The following DAB1 variants were observed in gnomAD, a reference collection of about 807,000 sequenced individuals.
The protein encoded by DAB1 is DAB adaptor protein 1.
A neutral mutation model predicts 64.6 loss-of-function variants in DAB1; 15 were observed. The observed-to-expected ratio is 0.23, with a 90% CI of 0.16 to 0.36. DAB1 has a LOEUF of 0.36. DAB1 is among the 10% of genes least tolerant of loss of function. DAB1 has a pLI of 1.00. For synonymous variants in DAB1, 235 were observed against 251.9 expected, an observed-to-expected ratio of 0.93 and a Z score of 0.64; for missense variants, 596 against 706.7, an observed-to-expected ratio of 0.84 and a Z score of 1.78.
intron 6 of DAB1, among the ~76,000 whole-genome samples, chr1:57,801,086 C>A (rs1238199667): frequency 6.6e-6 from 1 of 152,184 alleles, no homozygotes; most frequent in Non-Finnish European, 1.5e-5. Flanking sequence ...AACACAACAT[C>A]AAGACATAGC....
chr1:57,542,833 G>A (rs1570611155), intron 7 of DAB1, among the ~76,000 whole-genome samples: 1 of 152,242 alleles, frequency 6.6e-6, no homozygotes, highest in African/African-American at 2.4e-5. Context: ...AATAGAATGT[G>A]GCAGAAGAGA....
intron 7 of DAB1, among the ~76,000 whole-genome samples, chr1:57,578,981 C>T (rs940150812): frequency 3.9e-5 from 6 of 152,178 alleles, no homozygotes; most frequent in African/African-American, 1.2e-4. Flanking sequence ...AAAGCTCCAG[C>T]TACTTTGGAT....
chr1:57,141,047 AG>A (rs1658543825), intron 3 of DAB1, among the ~76,000 whole-genome samples: 2 of 152,192 alleles, frequency 1.3e-5, no homozygotes, highest in Non-Finnish European at 2.9e-5. Flanking sequence ...AGCAGGCTTC[AG>A]GCATGAATTC....
At chr1:57,033,045 C>T (rs1402285561) in intron 9 of DAB1, among the ~76,000 whole-genome samples, 1 of 152,124 alleles carries the variant, frequency 6.6e-6, no homozygotes, top group Admixed American at 6.5e-5. Context: ...CTGTGAGCTT[C>T]TTTAGGAAAG....
intron 9 of DAB1, among the ~76,000 whole-genome samples, chr1:57,054,700 G>T (rs188852615): frequency 6.6e-6 from 1 of 151,994 alleles, no homozygotes; most frequent in Non-Finnish European, 1.5e-5. Context: ...GGATGGTCTC[G>T]ATCTCCTGAC....
chr1:58,386,415 C>T (rs1450499155), intron 3 of DAB1, among the ~76,000 whole-genome samples: 1 of 152,100 alleles, frequency 6.6e-6, no homozygotes, highest in African/African-American at 2.4e-5. Context: ...AATGTTTGTT[C>T]TCATATTTAA....
At chr1:57,578,872 C>T (rs1645280629) in intron 7 of DAB1, among the ~76,000 whole-genome samples, 1 of 152,194 alleles carries the variant, frequency 6.6e-6, no homozygotes, top group Non-Finnish European at 1.5e-5. Flanking sequence ...TGAAGTGAGA[C>T]AGTCAAGCCC....
At chr1:57,087,581 C>T (rs1315722271) in intron 4 of DAB1, among the ~76,000 whole-genome samples, 1 of 152,122 alleles carries the variant, frequency 6.6e-6, no homozygotes, top group Non-Finnish European at 1.5e-5. Context: ...TCCAGAGCAA[C>T]CTCTCTCTGC....
At chr1:58,490,025 A>C (rs1402063055) in intron 3 of DAB1, among the ~76,000 whole-genome samples, 1 of 152,246 alleles carries the variant, frequency 6.6e-6, no homozygotes, top group Non-Finnish European at 1.5e-5. Flanking sequence ...AATTCTAAAA[A>C]TCAGAGTGCC....
intron 3 of DAB1, among the ~76,000 whole-genome samples, chr1:58,368,079 G>C (rs1644232368): frequency 6.6e-6 from 1 of 152,152 alleles, no homozygotes; most frequent in African/African-American, 2.4e-5. Context: ...ACACACTTGG[G>C]GAACTTTTAC....
In DAB1 at chr1:57,967,516, G is replaced by A. The variant is rs747112597; in HGVS notation, n.388-83354C>T. On this transcript the variant is annotated intron_variant and non_coding_transcript_variant, in intron 5 of 20. Transcript: ENST00000485760. ...TAAGATGTGCTACCCTTGTTCCTAC[G>A]AAGCTCTTGAAAGGCTTACTAGCAC... Among the ~76,000 whole-genome samples the A allele has an allele frequency of 8.5e-5, 13 of 152,176 alleles. No homozygotes were observed. The Middle Eastern group carries it at 0.01, about 119-fold the overall frequency.
intron 5 of DAB1, among the ~76,000 whole-genome samples, chr1:58,138,941 T>C (rs945761419): frequency 1.3e-5 from 2 of 152,122 alleles, no homozygotes; most frequent in Non-Finnish European, 2.9e-5. Flanking sequence ...AGTGAATAGG[T>C]GGGTGGGTTG....
intron 7 of DAB1, among the ~76,000 whole-genome samples, chr1:57,588,691 G>A (rs1348533649): frequency 6.6e-6 from 1 of 152,130 alleles, no homozygotes; most frequent in East Asian, 1.9e-4. Context: ...TATTGTACTG[G>A]AGGAAAAACA....
chr1:58,372,439 A>T (rs1644273362), intron 3 of DAB1, among the ~76,000 whole-genome samples: 1 of 152,150 alleles, frequency 6.6e-6, no homozygotes, highest in Admixed American at 6.5e-5. Context: ...TTGATTTTAC[A>T]GGCTCAGAGG....
chr1:58,298,291 C>G (rs532485735), intron 4 of DAB1, among the ~76,000 whole-genome samples: 1 of 152,274 alleles, frequency 6.6e-6, no homozygotes, highest in South Asian at 2.1e-4. Context: ...CACAGGATTA[C>G]ATGTTAAAGT....
intron 7 of DAB1, among the ~76,000 whole-genome samples, chr1:57,619,853 G>T (rs1645835123): frequency 6.6e-6 from 1 of 152,038 alleles, no homozygotes; most frequent in African/African-American, 2.4e-5. Flanking sequence ...AGGAGGGGAG[G>T]GGTCAACTGG....
chr1:57,851,671 T>C (rs1051071888), intron 1 of DAB1, among the ~76,000 whole-genome samples: 3 of 152,236 alleles, frequency 2.0e-5, no homozygotes, highest in African/African-American at 7.2e-5. Context: ...ACATAGATAT[T>C]AGAAGAGTCT....
intron 1 of DAB1, among the ~76,000 whole-genome samples, chr1:57,349,500 ATAAG>A (rs1212405363): frequency 6.6e-6 from 1 of 152,160 alleles, no homozygotes; most frequent in African/African-American, 2.4e-5. Flanking sequence ...TTTTCTCCAA[ATAAG>A]TAAGGGAAAA....
At chr1:57,500,147 A>G (rs1227514684) in intron 7 of DAB1, among the ~76,000 whole-genome samples, 1 of 152,218 alleles carries the variant, frequency 6.6e-6, no homozygotes, top group Non-Finnish European at 1.5e-5. Flanking sequence ...GTTCTGAATG[A>G]GAGATGTGGT....
Sources: gnomAD v4.1 joint callset for allele counts (sites outside exome capture counted in the v4.1 genomes callset) on GRCh38, gnomAD v4.1.1 for gene constraint, MANE v1.5 for transcripts, NCBI Gene and HGNC (gene_info 2026-07-23, HGNC 2026-07-21) for gene names.